Variants in SLC2A9 observed in about 807,000 individuals in gnomAD.
SLC2A9 encodes the protein solute carrier family 2 member 9.
In SLC2A9, 39 loss-of-function variants were observed where a neutral mutation model predicts 50.6. The observed-to-expected ratio is 0.77, with a 90% CI of 0.60 to 1.01. The LOEUF is 1.01. SLC2A9 is among the 50% of genes least tolerant of loss of function. SLC2A9 has a pLI of 0.00. For missense variants in SLC2A9, 686 were observed against 677.6 expected, an observed-to-expected ratio of 1.01 and a Z score of -0.14; for synonymous variants, 324 against 276.9, an observed-to-expected ratio of 1.17 and a Z score of -1.69.
At chr4:9,839,792 C>T (rs1210517723) in intron 10 of SLC2A9, among the ~76,000 whole-genome samples, 2 of 152,046 alleles carry the variant, frequency 1.3e-5, no homozygotes, top group Admixed American at 1.3e-4. Context: ...CAAATGGACA[C>T]ATAGAGCGGA....
At chr4:9,920,716 G>A in intron 6 of SLC2A9, 144 bp from the exon 7 acceptor site, 3 of 892,784 alleles carry the variant, frequency 3.4e-6, no homozygotes, top group South Asian at 3.0e-5. Flanking sequence ...TGAAACTATG[G>A]AGTCCAAAGC....
chr4:9,994,057 C>T (rs1758176168), intron 3 of SLC2A9, among the ~76,000 whole-genome samples: 1 of 152,232 alleles, frequency 6.6e-6, no homozygotes, highest in Non-Finnish European at 1.5e-5. Context: ...TCCTCTCCCT[C>T]CCTGAGAATC....
At chr4:9,855,188 T>C (rs1162911709) in intron 10 of SLC2A9, among the ~76,000 whole-genome samples, 3 of 152,170 alleles carry the variant, frequency 2.0e-5, no homozygotes, top group Non-Finnish European at 4.4e-5. Flanking sequence ...TTGCAGACAA[T>C]ATAATTTTAT....
intron 6 of SLC2A9, among the ~76,000 whole-genome samples, chr4:9,935,414 G>C (rs1255262972): frequency 6.6e-6 from 1 of 152,222 alleles, no homozygotes; most frequent in African/African-American, 2.4e-5. Flanking sequence ...TGGTGGCAGA[G>C]CCCGAACACC....
At chr4:9,781,432 T>C (rs1175551283) in intron 3 of SLC2A9, among the ~76,000 whole-genome samples, 2 of 152,186 alleles carry the variant, frequency 1.3e-5, no homozygotes, top group African/African-American at 4.8e-5. Context: ...CCTTCGGTTT[T>C]CCCGGGGAGA....
At chr4:9,783,731 A>T (rs1718843905) in intron 3 of SLC2A9, 3 of 223,168 alleles carry the variant, frequency 1.3e-5, no homozygotes, top group East Asian at 9.7e-5. Context: ...CTGGGTCCTT[A>T]AAAAAAAAAA....
At chr4:9,958,907 G>A (rs367609891) in intron 5 of SLC2A9, among the ~76,000 whole-genome samples, 15 of 152,140 alleles carry the variant, frequency 9.9e-5, no homozygotes, top group African/African-American at 3.6e-4. Flanking sequence ...ATTGTAGGTA[G>A]TTAGAAAACT....
chr4:10,025,883 CAG>C, upstream of SLC2A9: 4 of 1,588,704 alleles, frequency 2.5e-6, no homozygotes, highest in Non-Finnish European at 3.4e-6. Flanking sequence ...GTAAGGGAGA[CAG>C]AAAAAAAAAA....
chr4:9,868,407 C>A (rs1732858228), intron 10 of SLC2A9, among the ~76,000 whole-genome samples: 1 of 152,234 alleles, frequency 6.6e-6, no homozygotes, highest in Non-Finnish European at 1.5e-5. Context: ...TGATAATAAT[C>A]AACTCCTGCC....
At chr4:9,910,467 G>T (rs187583828) in intron 7 of SLC2A9, among the ~76,000 whole-genome samples, 84 of 152,358 alleles carry the variant, frequency 5.5e-4, no homozygotes, top group African/African-American at 1.9e-3. Context: ...AAGTGTAACA[G>T]CCTTTCTTAA....
At chr4:9,990,586 T>C (rs997234910) in intron 3 of SLC2A9, among the ~76,000 whole-genome samples, 1 of 152,180 alleles carries the variant, frequency 6.6e-6, no homozygotes, top group African/African-American at 2.4e-5. Context: ...AGATTTCTTA[T>C]GATTTCTAAC....
At chr4:9,909,982 G>A (rs1250760301) in intron 7 of SLC2A9, among the ~76,000 whole-genome samples, 2 of 152,190 alleles carry the variant, frequency 1.3e-5, no homozygotes, top group African/African-American at 4.8e-5. Context: ...ATTGCCAGAT[G>A]TTTTTAGCAA....
At chr4:9,926,251 AAACACAC>A (rs1744874045) in intron 6 of SLC2A9, among the ~76,000 whole-genome samples, 1 of 27,328 alleles carries the variant, frequency 3.7e-5, no homozygotes, top group Non-Finnish European at 1.8e-4. Flanking sequence ...TCACTAATGC[AAACACAC>A]ATTGTCTCAG....
At chr4:10,030,386 T>C (rs1252308370) in intron 1 of SLC2A9, among the ~76,000 whole-genome samples, 1 of 152,202 alleles carries the variant, frequency 6.6e-6, no homozygotes, top group Non-Finnish European at 1.5e-5. Context: ...GATACTATAA[T>C]GGTAAATACA....
At chr4:9,892,326 G>A (rs1737636564) in intron 8 of SLC2A9, among the ~76,000 whole-genome samples, 1 of 152,048 alleles carries the variant, frequency 6.6e-6, no homozygotes, top group South Asian at 2.1e-4. Flanking sequence ...AGGCCTGGGA[G>A]GAAAATGTGC....
intron 6 of SLC2A9, among the ~76,000 whole-genome samples, chr4:9,923,581 C>T (rs931945179): frequency 2.0e-5 from 3 of 152,156 alleles, no homozygotes; most frequent in Admixed American, 2.0e-4. Flanking sequence ...TGGCACGGCT[C>T]ACGCTTGTGC....
chr4:9,805,689 T>TG (rs1491040350), intron 3 of SLC2A9, among the ~76,000 whole-genome samples: 27 of 7,140 alleles, frequency 3.8e-3, no homozygotes, highest in Admixed American at 9.2e-3. Flanking sequence ...GGGTGTCAGT[T>TG]TTTTTTTTTT....
intron 11 of SLC2A9, 78 bp from the exon 12 acceptor site, chr4:9,826,678 T>C: frequency 7.4e-7 from 1 of 1,342,942 alleles, no homozygotes; most frequent in African/African-American, 1.4e-5. Flanking sequence ...CACAGATTTT[T>C]AAGATAGCTC....
chr4:9,843,774 T>C (rs1404832926), intron 10 of SLC2A9, among the ~76,000 whole-genome samples: 1 of 152,204 alleles, frequency 6.6e-6, no homozygotes, highest in East Asian at 1.9e-4. Context: ...ATGATTATTA[T>C]TATTCAGAAG....
Sources: allele counts gnomAD v4.1 joint callset (sites outside exome capture counted in the v4.1 genomes callset), GRCh38; gene constraint gnomAD v4.1.1; transcripts MANE v1.5; gene names NCBI Gene and HGNC (gene_info 2026-07-23, HGNC 2026-07-21).